SLC9A9: variants seen among roughly 807,000 people sequenced by gnomAD.
The protein encoded by SLC9A9 is solute carrier family 9 member A9.
In SLC9A9, 62 loss-of-function variants were observed where a neutral mutation model predicts 77.8. The ratio of observed to expected loss-of-function variants is 0.80; its 90% CI spans 0.65 to 0.98. The LOEUF (loss-of-function observed/expected upper bound fraction) is 0.98, where lower values mean the gene tolerates loss of function less well. SLC9A9 is among the 50% of genes least tolerant of loss of function. The pLI, the probability that SLC9A9 is intolerant of heterozygous loss-of-function variation, is 0.00. For synonymous variants in SLC9A9, 320 were observed against 283.5 expected (o/e 1.13, Z -1.29); for missense variants, 775 against 774.9 (o/e 1.00, Z 0.00).
chr3:143,720,785 G>A (rs1355935247), intron 4 of SLC9A9, among the ~76,000 whole-genome samples: 4 of 147,292 alleles, frequency 2.7e-5, no homozygotes, highest in Non-Finnish European at 5.9e-5. Flanking sequence ...GAAAGTGCCT[G>A]TCTTAGGTTC....
intron 5 of SLC9A9, among the ~76,000 whole-genome samples, chr3:143,683,478 C>T (rs962503674): frequency 5.3e-5 from 8 of 151,974 alleles, no homozygotes; most frequent in Non-Finnish European, 7.4e-5. Flanking sequence ...TAAAGGAGAA[C>T]GCAGAGAAGA....
chr3:143,477,347 T>TTTTTTTC (rs1553758984), intron 11 of SLC9A9, among the ~76,000 whole-genome samples: 13 of 103,046 alleles, frequency 1.3e-4, no homozygotes, highest in Non-Finnish European at 1.9e-4. Context: ...TTTTTTTTTT[T>TTTTTTTC]CCCCCTCCCC....
intron 9 of SLC9A9, among the ~76,000 whole-genome samples, chr3:143,512,828 CTG>C (rs2036139171): frequency 6.6e-6 from 1 of 152,154 alleles, no homozygotes; most frequent in Non-Finnish European, 1.5e-5. Context: ...TGAGCCAAGA[CTG>C]TGCCACTGTA....
At chr3:143,550,414 T>A (rs530968687) in intron 9 of SLC9A9, among the ~76,000 whole-genome samples, 1 of 152,270 alleles carries the variant, frequency 6.6e-6, no homozygotes, top group Non-Finnish European at 1.5e-5. Context: ...TTTGCAGTGA[T>A]CTCCCACTGT....
intron 14 of SLC9A9, among the ~76,000 whole-genome samples, chr3:143,308,541 A>C (rs1035637951): frequency 6.6e-6 from 1 of 151,500 alleles, no homozygotes; most frequent in African/African-American, 2.4e-5. Context: ...GCACCACTGC[A>C]CTCCAGCCTG....
chr3:143,502,231 A>G (rs2035934464), intron 9 of SLC9A9, among the ~76,000 whole-genome samples: 3 of 150,946 alleles, frequency 2.0e-5, no homozygotes, highest in Non-Finnish European at 4.4e-5. Flanking sequence ...CCCAAGTTAA[A>G]AGTAATCTTT....
At chr3:143,682,607 T>C (rs1258696189) in intron 5 of SLC9A9, among the ~76,000 whole-genome samples, 1 of 152,148 alleles carries the variant, frequency 6.6e-6, no homozygotes, top group Non-Finnish European at 1.5e-5. Context: ...AAATTTATTA[T>C]CTTATATTTC....
intron 9 of SLC9A9, among the ~76,000 whole-genome samples, chr3:143,525,113 C>T (rs1418457411): frequency 1.3e-5 from 2 of 151,994 alleles, no homozygotes; most frequent in Admixed American, 6.6e-5. Flanking sequence ...AAAGAAATAG[C>T]GAGCCTAGGC....
chr3:143,823,054 T>A lies in SLC9A9; in HGVS notation c.378+8965A>T, dbSNP rs1300502223. 4.6e-5 allele frequency among the ~76,000 whole-genome samples: 7 copies of A among 152,110 alleles called. No homozygotes were observed. In the East Asian group the frequency reaches 1.4e-3, roughly 29 times the overall value. On this transcript the variant is annotated intron_variant, in intron 2 of 15. Coordinates refer to ENST00000316549, the MANE Select transcript of SLC9A9 (RefSeq NM_173653.4). ...AGCCAGCAATTAAGACAGGACAGAGTAGCAGTAAAAAGGAGCTACTGACAA... is the reference window on the plus strand; with the variant it reads ...AGCCAGCAATTAAGACAGGACAGAGAAGCAGTAAAAAGGAGCTACTGACAA...
intron 11 of SLC9A9, among the ~76,000 whole-genome samples, chr3:143,476,289 A>T (rs878981952): frequency 6.6e-6 from 1 of 152,236 alleles, no homozygotes; most frequent in Admixed American, 6.5e-5. Context: ...TTCTTCTGGA[A>T]ACTAAGCCTG....
At chr3:143,751,780 G>A (rs143307239) in intron 4 of SLC9A9, among the ~76,000 whole-genome samples, 408 of 152,294 alleles carry the variant, frequency 2.7e-3, no homozygotes, top group African/African-American at 9.5e-3. Context: ...GGCATCAACA[G>A]GCAAATGCTG....
chr3:143,273,577 C>T (rs1470926143), intron 14 of SLC9A9, among the ~76,000 whole-genome samples: 1 of 152,164 alleles, frequency 6.6e-6, no homozygotes, highest in African/African-American at 2.4e-5. Context: ...CTTGTTTAAA[C>T]CACCCAAGCT....
At chr3:143,666,467 G>A (rs1397035754) in intron 5 of SLC9A9, among the ~76,000 whole-genome samples, 3 of 152,152 alleles carry the variant, frequency 2.0e-5, no homozygotes, top group Non-Finnish European at 4.4e-5. Context: ...TCAACATAGT[G>A]TTGGACGTTC....
intron 14 of SLC9A9, among the ~76,000 whole-genome samples, chr3:143,304,790 T>G (rs1231090351): frequency 6.6e-6 from 1 of 152,184 alleles, no homozygotes; most frequent in Non-Finnish European, 1.5e-5. Flanking sequence ...CATTTCCTAT[T>G]ACGACTTAAG....
chr3:143,415,844 A>G (rs2034182567), intron 12 of SLC9A9, among the ~76,000 whole-genome samples: 1 of 152,182 alleles, frequency 6.6e-6, no homozygotes, highest in Non-Finnish European at 1.5e-5. Context: ...AGATTCCTCT[A>G]TCTCTATCTG....
intron 14 of SLC9A9, among the ~76,000 whole-genome samples, chr3:143,298,211 C>T (rs140534221): frequency 1.2e-3 from 181 of 152,236 alleles, no homozygotes; most frequent in African/African-American, 4.1e-3. Context: ...GTATCCATTC[C>T]GTGGATGAAG....
intron 12 of SLC9A9, among the ~76,000 whole-genome samples, chr3:143,392,974 A>G (rs2033608668): frequency 6.6e-6 from 1 of 152,232 alleles, no homozygotes; most frequent in South Asian, 2.1e-4. Flanking sequence ...AAAGAGACTT[A>G]GACTCCCACA....
chr3:143,658,432 T>A (rs1206429238), intron 5 of SLC9A9, among the ~76,000 whole-genome samples: 1 of 152,256 alleles, frequency 6.6e-6, no homozygotes, highest in Non-Finnish European at 1.5e-5. Flanking sequence ...TCTTAGTATC[T>A]TTTGCCATGC....
rs2007499676 is a variant in SLC9A9 at position 143,771,055 on chromosome 3, ATGTAAG to A, written c.533+23940_533+23945del. On this transcript the variant is annotated intron_variant, in intron 4 of 15. Coordinates refer to ENST00000316549, the MANE Select transcript of SLC9A9 (RefSeq NM_173653.4). ...GATGCTCAGCCTTACAGTAAGAGAA[ATGTAAG>A]TAAAAACTACAATGAGAGATTATTT... Among the ~76,000 whole-genome samples, 3 of 152,332 alleles carry A rather than the reference ATGTAAG, an allele frequency of 2.0e-5. No homozygotes were observed. The South Asian group carries it at 6.2e-4, about 32-fold the overall frequency.
Sources: gnomAD v4.1 joint callset for allele counts (sites outside exome capture counted in the v4.1 genomes callset) on GRCh38, gnomAD v4.1.1 for gene constraint, MANE v1.5 for transcripts, NCBI Gene and HGNC (gene_info 2026-07-23, HGNC 2026-07-21) for gene names.